Variants in AMY2B observed in about 807,000 individuals in gnomAD.
AMY2B encodes alpha-amylase 2B.
AMY2B carries 63 observed loss-of-function variants against 59.3 expected under a neutral mutation model. The observed-to-expected ratio is 1.06, with a 90% CI of 0.87 to 1.31. AMY2B has a LOEUF of 1.31. Among genes scored for constraint, AMY2B ranks in the 50% most tolerant of loss-of-function variants. AMY2B has a pLI of 0.00. For synonymous variants in AMY2B, 180 were observed against 198.1 expected (o/e 0.91, Z 0.77); for missense variants, 635 against 626.7 (o/e 1.01, Z -0.14).
At chr1:103,569,527 A>G (rs966955717), upstream of AMY2B, 5 of 289,038 alleles carry the variant, frequency 1.7e-5, no homozygotes, top group Non-Finnish European at 2.9e-5. Flanking sequence ...CTGCCGCTCC[A>G]CTGTCCCACT....
At chr1:103,558,944 TATAAC>T (rs1349050599) in intron 1 of AMY2B, among the ~76,000 whole-genome samples, 4 of 152,028 alleles carry the variant, frequency 2.6e-5, no homozygotes, top group African/African-American at 4.8e-5. Context: ...AACAACATAA[TATAAC>T]AAGTTTTGAC....
At position 103,572,136 on chromosome 1, in the gene AMY2B, A is replaced by C. The variant is rs140074022; in HGVS notation, c.195A>C (p.Ala65=). ...TCTCTCCACCAAATGAAAATGTTGC[A>C]ATTCACAACCCTTTCAGACCTTGGT... is the stretch of plus-strand genomic sequence containing the variant. ...VQVSPPNENV[A]IHNPFRPWWE... Residue 65 remains alanine, a synonymous_variant, in exon 2 of 10, where the codon GCA becomes GCC. Transcript: ENST00000684275. The C allele has an allele frequency of 7.5e-4, 1,206 of 1,611,656 alleles. 2 individuals are homozygous for C. Among genetic ancestry groups the C allele is most frequent in the Middle Eastern group, 9.0e-4 (4 of 4,424 alleles).
intron 1 of AMY2B, among the ~76,000 whole-genome samples, chr1:103,559,405 T>G (rs1651662458): frequency 6.6e-6 from 1 of 152,168 alleles, no homozygotes; most frequent in Admixed American, 6.5e-5. Context: ...GTGGCTTAAT[T>G]ACCTAAGGGC....
upstream of AMY2B, chr1:103,570,155 C>A (rs1652063160): frequency 2.2e-6 from 1 of 459,072 alleles, no homozygotes; most frequent in African/African-American, 2.0e-5. Context: ...AGCTTCAGCA[C>A]CACTGCCGAG....
Position 103,574,108 on chromosome 1 carries a change from A to G in AMY2B, c.745-152A>G. The G allele has an allele frequency of 2.0e-6, 3 of 1,475,078 alleles. No homozygotes were observed. In the South Asian group the frequency reaches 4.1e-5, roughly 20 times the overall value. The allele number at this position is 1,475,078 out of a possible 1,614,324, so 91.4% of individuals were successfully genotyped here. On this transcript the variant is annotated intron_variant, in intron 4 of 9. Coordinates refer to ENST00000684275, the MANE Select transcript of AMY2B (RefSeq NM_001387437.1). ...CATATCTAATTCTTTATCACAAACA[A>G]AACAAAACAAGACAAAAAGAAATAA...
chr1:103,568,821 A>G (rs774740125), upstream of AMY2B: 3 of 151,514 alleles, frequency 2.0e-5, no homozygotes, highest in Non-Finnish European at 2.9e-5. Context: ...ATGTTTGTGT[A>G]TATATATATG....
upstream of AMY2B, chr1:103,568,909 TA>T (rs1367161993): frequency 1.6e-4 from 25 of 151,872 alleles, no homozygotes; most frequent in African/African-American, 4.8e-4. Flanking sequence ...GAGTAATATA[TA>T]AAGGAAAAAG....
At chr1:103,570,459 A>G (rs1265023456), upstream of AMY2B, 9 of 733,860 alleles carry the variant, frequency 1.2e-5, no homozygotes, top group South Asian at 2.7e-5. Flanking sequence ...TGGTGGCAAC[A>G]TGTACCCAGG....
chr1:103,555,000 T>C (rs1651501968), exon 1 of AMY2B: 1 of 152,186 alleles, frequency 6.6e-6, no homozygotes. Flanking sequence ...TGTGTTATAC[T>C]TCCTATTTTT....
At position 103,573,142 on chromosome 1, in the gene AMY2B, G is replaced by T. The variant is rs1402619979; in HGVS notation, c.395G>T (p.Ser132Ile). Residue 132 changes from serine to isoleucine, a missense_variant, in exon 3 of 10, where the codon AGT (serine) becomes ATT (isoleucine). Coordinates refer to ENST00000684275, the MANE Select transcript of AMY2B (RefSeq NM_001387437.1). ...GCAGGAACAAGCAGTACCTGTGGAA[G>T]TTACTTCAACCCTGGAAGTAGGGAC... Reference protein sequence around the residue: ...VSAGTSSTCGSYFNPGSRDFP... With the variant: ...VSAGTSSTCGIYFNPGSRDFP... 2 of 1,613,744 alleles carry T rather than the reference G, an allele frequency of 1.2e-6. No homozygotes were observed. The highest frequency in any genetic ancestry group is 3.3e-5 in the Admixed American group (2 of 59,994).
chr1:103,575,686 T>C (rs928541020), intron 7 of AMY2B, 146 bp downstream of exon 7: 62 of 1,223,570 alleles, frequency 5.1e-5, no homozygotes, highest in Non-Finnish European at 1.9e-5. Context: ...GTAATGCAGG[T>C]TATATTAAAG....
chr1:103,555,855 A>T (rs1202792104), intron 1 of AMY2B, among the ~76,000 whole-genome samples: 2 of 152,200 alleles, frequency 1.3e-5, no homozygotes, highest in African/African-American at 2.4e-5. Flanking sequence ...GCAGGTTTGT[A>T]TGCTAATCAG....
upstream of AMY2B, among the ~76,000 whole-genome samples, chr1:103,567,405 T>C (rs906054063): frequency 1.7e-4 from 26 of 152,190 alleles, no homozygotes; most frequent in African/African-American, 6.3e-4. Flanking sequence ...CCTGATACCC[T>C]TCGTCAAAGC....
chr1:103,579,389 C>A lies in AMY2B; in HGVS notation c.1425C>A (p.Gly475=), dbSNP rs576007861. 7 of 1,611,750 alleles carry A rather than the reference C, an allele frequency of 4.3e-6. No individual in the cohort carries two copies. Among genetic ancestry groups the A allele is most frequent in the Non-Finnish European group, 5.9e-6 (7 of 1,179,710 alleles). ...CDVISGDKIN[G]NCTGIKIYVS... ...TCATTTCTGGAGATAAAATTAATGG[C>A]AATTGCACAGGCATTAAAATCTACG... Residue 475 remains glycine (G), a synonymous_variant, in exon 10 of 10, where the codon GGC becomes GGA. Coordinates refer to ENST00000684275, the MANE Select transcript of AMY2B (RefSeq NM_001387437.1).
upstream of AMY2B, among the ~76,000 whole-genome samples, chr1:103,567,099 A>T (rs1216802802): frequency 6.6e-6 from 1 of 152,158 alleles, no homozygotes; most frequent in East Asian, 1.9e-4. Flanking sequence ...ATATAAATTA[A>T]GAAGCTTTCA....
Position 103,577,488 on chromosome 1 carries a change from A to G in AMY2B, c.1102-2A>G, listed in dbSNP as rs529522546. 3.1e-6 allele frequency: 5 copies of G among 1,611,912 alleles called. No individual in the cohort carries two copies. The South Asian group carries it at 5.5e-5, about 18-fold the overall frequency. On this transcript the variant is annotated splice_acceptor_variant, in intron 7 of 9. Transcript: ENST00000684275. LOFTEE classifies it high-confidence loss of function. ...AATTTGGCTTTTCACCCCCTAATTA[A>G]GGATGTTAATGATTGGGTTGGGCCA... is the stretch of plus-strand genomic sequence containing the variant.
rs1255044814 is a variant in AMY2B at position 103,579,504 on chromosome 1, T to A, written c.*4T>A. ...TCATGCTGAATCTAAATTATAAAAT[T>A]TAAAATTAAATGCATATCCTCAAAA... On this transcript the variant is annotated 3_prime_UTR_variant, in exon 10 of 10. Transcript: ENST00000684275. 1 of 1,608,588 alleles carries A rather than the reference T, an allele frequency of 6.2e-7. No individual in the cohort carries two copies. Among genetic ancestry groups the A allele is most frequent in the African/African-American group, 1.3e-5 (1 of 74,670 alleles).
intron 1 of AMY2B, among the ~76,000 whole-genome samples, chr1:103,562,672 C>CTTTTT (rs373215753): frequency 8.9e-6 from 1 of 112,084 alleles, no homozygotes; most frequent in Non-Finnish European, 1.9e-5. Flanking sequence ...GATAACTTGT[C>CTTTTT]TTTTTTTTTT....
chr1:103,569,621 G>T (rs1049219676), upstream of AMY2B: 1 of 398,018 alleles, frequency 2.5e-6, no homozygotes, highest in Non-Finnish European at 5.1e-6. Flanking sequence ...GCTTTGCTGG[G>T]GACGACAACC....
Sources: allele counts gnomAD v4.1 joint callset (sites outside exome capture counted in the v4.1 genomes callset), GRCh38; gene constraint gnomAD v4.1.1; transcripts MANE v1.5; gene names NCBI Gene and HGNC (gene_info 2026-07-23, HGNC 2026-07-21).